Variants in PTPRD observed in about 807,000 individuals in gnomAD.
The protein encoded by PTPRD is protein tyrosine phosphatase receptor type D.
In PTPRD, 34 loss-of-function variants were observed where a neutral mutation model predicts 214.5. The observed-to-expected ratio is 0.16, with a 90% CI of 0.12 to 0.21. PTPRD has a LOEUF of 0.21. Ranked by LOEUF, PTPRD falls within the 10% of genes least tolerant of loss-of-function variation. PTPRD has a pLI of 1.00. For missense variants in PTPRD, 2,545 were observed against 2,398.7 expected (o/e 1.06, Z -1.27); for synonymous variants, 1,128 against 845.7 (o/e 1.33, Z -5.79).
intron 3 of PTPRD, among the ~76,000 whole-genome samples, chr9:10,260,964 A>G (rs1178974613): frequency 2.7e-5 from 4 of 147,270 alleles, no homozygotes; most frequent in East Asian, 1.9e-4. Flanking sequence ...GTGTGTGTGT[A>G]TATATATATG....
chr9:9,333,337 A>G (rs530351564), intron 9 of PTPRD, among the ~76,000 whole-genome samples: 14 of 151,632 alleles, frequency 9.2e-5, no homozygotes, highest in African/African-American at 3.1e-4. Context: ...TGGAGCAAAG[A>G]ATGCAAACAG....
chr9:8,810,995 G>C (rs1174497220), intron 11 of PTPRD, among the ~76,000 whole-genome samples: 1 of 152,134 alleles, frequency 6.6e-6, no homozygotes, highest in Non-Finnish European at 1.5e-5. Flanking sequence ...CTCGGTTTGG[G>C]AGAAAGCCCT....
chr9:9,571,348 T>C (rs1345693979), intron 8 of PTPRD, among the ~76,000 whole-genome samples: 1 of 151,376 alleles, frequency 6.6e-6, no homozygotes, highest in Non-Finnish European at 1.5e-5. Context: ...ACAAGACAAG[T>C]ATTAAATAAA....
chr9:8,503,635 C>A (rs1278952975), intron 23 of PTPRD, among the ~76,000 whole-genome samples: 1 of 152,132 alleles, frequency 6.6e-6, no homozygotes, highest in Non-Finnish European at 1.5e-5. Context: ...AGAAATTGAA[C>A]CCCAGGAAAC....
chr9:8,365,520 G>A (rs2079600427), intron 39 of PTPRD, among the ~76,000 whole-genome samples: 1 of 152,072 alleles, frequency 6.6e-6, no homozygotes, highest in African/African-American at 2.4e-5. Context: ...CATCGAGCCT[G>A]GGGAGGGAAA....
intron 9 of PTPRD, among the ~76,000 whole-genome samples, chr9:9,368,129 A>G (rs571339259): frequency 5.9e-5 from 9 of 151,904 alleles, no homozygotes; most frequent in Middle Eastern, 3.4e-3. Context: ...GATTTTAAGT[A>G]TGTCAAAAAC....
At chr9:9,290,776 T>A (rs1416694023) in intron 9 of PTPRD, among the ~76,000 whole-genome samples, 2 of 151,526 alleles carry the variant, frequency 1.3e-5, no homozygotes, top group Non-Finnish European at 3.0e-5. Flanking sequence ...GGGAGATTCA[T>A]TTGCTAATTA....
chr9:10,261,799 T>C (rs577329857), intron 3 of PTPRD, among the ~76,000 whole-genome samples: 69 of 152,094 alleles, frequency 4.5e-4, no homozygotes, highest in African/African-American at 1.6e-3. Flanking sequence ...ATAGTAAATA[T>C]ATAGGAGCAA....
At chr9:8,384,886 C>T (rs1367311757) in intron 37 of PTPRD, among the ~76,000 whole-genome samples, 1 of 152,152 alleles carries the variant, frequency 6.6e-6, no homozygotes, top group Non-Finnish European at 1.5e-5. Context: ...TCAACTTATA[C>T]TTTTCCTTCA....
intron 5 of PTPRD, among the ~76,000 whole-genome samples, chr9:9,797,673 C>G (rs1331430922): frequency 1.3e-5 from 2 of 151,938 alleles, no homozygotes; most frequent in African/African-American, 2.4e-5. Flanking sequence ...TGGTGAAACC[C>G]TGTCTCTACT....
chr9:10,551,924 A>C (rs2061448629), intron 2 of PTPRD, among the ~76,000 whole-genome samples: 1 of 152,032 alleles, frequency 6.6e-6, no homozygotes, highest in Non-Finnish European at 1.5e-5. Context: ...TACTTCAAGT[A>C]CTCCCTTTCT....
chr9:9,203,417 T>C (rs898072950), intron 9 of PTPRD, among the ~76,000 whole-genome samples: 1 of 152,294 alleles, frequency 6.6e-6, no homozygotes, highest in African/African-American at 2.4e-5. Flanking sequence ...TTACCACATA[T>C]CCCATAGGAA....
At chr9:8,562,112 A>G (rs1458221625) in intron 14 of PTPRD, among the ~76,000 whole-genome samples, 1 of 152,208 alleles carries the variant, frequency 6.6e-6, no homozygotes, top group African/African-American at 2.4e-5. Flanking sequence ...ATGAAGGTAT[A>G]TATCCAAAAT....
chr9:9,829,031 T>C (rs2053944911), intron 5 of PTPRD, among the ~76,000 whole-genome samples: 1 of 151,916 alleles, frequency 6.6e-6, no homozygotes, highest in African/African-American at 2.4e-5. Flanking sequence ...ATTTTACTAC[T>C]GATGCATCCT....
intron 10 of PTPRD, among the ~76,000 whole-genome samples, chr9:9,040,113 G>A (rs551375974): frequency 9.2e-5 from 14 of 152,214 alleles, no homozygotes; most frequent in African/African-American, 3.4e-4. Flanking sequence ...TGTTCCTTAA[G>A]TAATGCCATT....
intron 3 of PTPRD, among the ~76,000 whole-genome samples, chr9:10,179,679 A>G (rs1044709078): frequency 5.3e-5 from 8 of 151,982 alleles, no homozygotes; most frequent in African/African-American, 1.9e-4. Flanking sequence ...CACCCATTCA[A>G]TCCTCACTAA....
intron 2 of PTPRD, among the ~76,000 whole-genome samples, chr9:10,406,038 C>G (rs979774690): frequency 5.3e-5 from 8 of 151,006 alleles, no homozygotes; most frequent in African/African-American, 1.7e-4. Flanking sequence ...TACATTAGCT[C>G]AGATCAATAT....
chr9:8,994,239 C>T lies in PTPRD; in HGVS notation c.-104+24458G>A, dbSNP rs896661933. Reference sequence around the variant, plus strand: ...AACTTGCTTAATTTGACTTTGCATTCGTACTGAAATTCTACCAAATAGGGA... The same window carrying T: ...AACTTGCTTAATTTGACTTTGCATTTGTACTGAAATTCTACCAAATAGGGA... On this transcript the variant is annotated intron_variant, in intron 11 of 45. Coordinates refer to ENST00000381196, the MANE Select transcript of PTPRD (RefSeq NM_002839.4). 5.9e-5 allele frequency among the ~76,000 whole-genome samples: 9 copies of T among 152,178 alleles called. No individual in the cohort carries two copies. In the East Asian group the frequency reaches 1.4e-3, roughly 23 times the overall value.
intron 2 of PTPRD, among the ~76,000 whole-genome samples, chr9:10,554,732 C>T (rs2062089796): frequency 6.6e-6 from 1 of 152,266 alleles, no homozygotes; most frequent in South Asian, 2.1e-4. Flanking sequence ...ACCATCTTGG[C>T]TCCCTGCAAG....
Sources: allele counts gnomAD v4.1 joint callset (sites outside exome capture counted in the v4.1 genomes callset), GRCh38; gene constraint gnomAD v4.1.1; transcripts MANE v1.5; gene names NCBI Gene and HGNC (gene_info 2026-07-23, HGNC 2026-07-21).